Variants in SKIL observed in about 807,000 individuals in gnomAD.
SKIL encodes SKI like proto-oncogene, also known as ski-like protein.
Under a neutral mutation model 69.6 loss-of-function variants are expected in SKIL, and 20 were observed. That is an observed-to-expected ratio of 0.29 (90% CI 0.20 to 0.42). The LOEUF is 0.42. Among genes scored for constraint, SKIL ranks in the 10% least tolerant of loss-of-function variants. The probability of loss-of-function intolerance (pLI) is 1.00; values close to 1 mark genes in which losing one functional copy is unlikely to be tolerated. For missense variants in SKIL, 745 were observed against 783.1 expected (o/e 0.95, Z 0.58); for synonymous variants, 310 against 279.9 (o/e 1.11, Z -1.08).
Position 170,361,441 on chromosome 3 carries a change from A to G in SKIL, c.1098+12A>G, listed in dbSNP as rs758283853. On this transcript the variant is annotated intron_variant, in intron 2 of 6. Coordinates refer to ENST00000259119, the MANE Select transcript of SKIL (RefSeq NM_005414.5). ...GAAATCAATCCAAGGCAAGTTTTTTATATCAATTTTTAATAATGGTAATGG... is the reference window on the plus strand; with the variant it reads ...GAAATCAATCCAAGGCAAGTTTTTTGTATCAATTTTTAATAATGGTAATGG... 7.8e-6 allele frequency: 12 copies of G among 1,532,816 alleles called. No homozygotes were observed. Among genetic ancestry groups the G allele is most frequent in the Admixed American group, 4.4e-5 (2 of 45,540 alleles). The allele number at this position is 1,532,816 out of a possible 1,614,324, so 95.0% of individuals were successfully genotyped here.
chr3:170,392,255 A>G lies in SKIL; in HGVS notation c.1897-4A>G, dbSNP rs372518790. 334 of 1,584,228 alleles carry G rather than the reference A, an allele frequency of 2.1e-4. 1 individual carries two copies. Among genetic ancestry groups the G allele is most frequent in the South Asian group, 2.9e-4 (25 of 85,154 alleles). ...AAATTGATAGCGCCTTTTAAATCAC[A>G]TAGTTGGCAGAACTGAGGCAGAGAT... On this transcript the variant is annotated splice_region_variant and splice_polypyrimidine_tract_variant and intron_variant, in intron 6 of 6. Coordinates refer to ENST00000259119, the MANE Select transcript of SKIL (RefSeq NM_005414.5).
chr3:170,383,342 A>G (rs2108217111), intron 3 of SKIL, among the ~76,000 whole-genome samples: 1 of 152,330 alleles, frequency 6.6e-6, no homozygotes, highest in Admixed American at 6.5e-5. Flanking sequence ...AATGGATGTT[A>G]TTAACAAAGG....
At chr3:170,381,024 G>T (rs1394548986) in intron 2 of SKIL, among the ~76,000 whole-genome samples, 3 of 145,720 alleles carry the variant, frequency 2.1e-5, no homozygotes, top group Non-Finnish European at 3.0e-5. Context: ...TAAAGAGACT[G>T]GGTCTTCCTA....
chr3:170,370,403 C>A (rs1736743908), intron 2 of SKIL, among the ~76,000 whole-genome samples: 1 of 121,828 alleles, frequency 8.2e-6, no homozygotes, highest in Non-Finnish European at 1.6e-5. Context: ...TCTATATATA[C>A]ATATATATGT....
intron 2 of SKIL, among the ~76,000 whole-genome samples, chr3:170,372,989 T>A (rs1023847563): frequency 5.6e-4 from 5 of 8,990 alleles, no homozygotes; most frequent in African/African-American, 8.4e-4. Flanking sequence ...TAATTTTCAA[T>A]TTTTTTTTTT....
intron 4 of SKIL, among the ~76,000 whole-genome samples, chr3:170,386,973 A>G (rs1577442749): frequency 6.6e-6 from 1 of 152,098 alleles, no homozygotes; most frequent in Non-Finnish European, 1.5e-5. Context: ...TACATTCACA[A>G]AGTTGTGCAA....
chr3:170,381,004 T>TTTC (rs1421404555), intron 2 of SKIL, among the ~76,000 whole-genome samples: 77 of 151,118 alleles, frequency 5.1e-4, no homozygotes, highest in Non-Finnish European at 8.6e-4. Flanking sequence ...AATTTTTTTT[T>TTTC]TTTTTTTTTT....
intron 2 of SKIL, among the ~76,000 whole-genome samples, chr3:170,370,885 C>T (rs1736772745): frequency 6.6e-6 from 1 of 151,926 alleles, no homozygotes; most frequent in South Asian, 2.1e-4. Context: ...GTTGAGACCG[C>T]AGTGAGCTGT....
Position 170,392,416 on chromosome 3 carries a change from A to G in SKIL, c.2054A>G (p.Ter685TrpextTer24). The change falls in exon 7 of 7, where the codon TAG becomes TGG. Residue 685 changes from the stop codon to tryptophan (W), a stop_lost. Transcript: ENST00000259119. ...AAATCATCAAAGACTGCTAAAGAAT[A>G]GAAACTGTTAAAGAGATTCATCTGT... Reference protein sequence around the residue: ...ILKSSKTAKE* With the variant: ...ILKSSKTAKEW The G allele has an allele frequency of 3.7e-6, 6 of 1,603,488 alleles. No homozygotes were observed. The highest frequency in any genetic ancestry group is 5.1e-6 in the Non-Finnish European group (6 of 1,173,764).
At chr3:170,367,311 C>G (rs183346019) in intron 2 of SKIL, among the ~76,000 whole-genome samples, 1 of 151,926 alleles carries the variant, frequency 6.6e-6, no homozygotes, top group South Asian at 2.1e-4. Flanking sequence ...GGGGTTTCAC[C>G]GTGTTAGCCA....
chr3:170,379,231 G>A (rs1285890141), intron 2 of SKIL, among the ~76,000 whole-genome samples: 1 of 151,672 alleles, frequency 6.6e-6, no homozygotes, highest in Admixed American at 6.6e-5. Flanking sequence ...ACCCTTCTCG[G>A]CCTCCCAAAA....
At chr3:170,378,945 C>T (rs1737190637) in intron 2 of SKIL, among the ~76,000 whole-genome samples, 4 of 151,870 alleles carry the variant, frequency 2.6e-5, no homozygotes, top group Middle Eastern at 3.4e-3. Flanking sequence ...GGTGCAATCT[C>T]GGCTTACTGC....
intron 3 of SKIL, among the ~76,000 whole-genome samples, chr3:170,382,811 C>T (rs374530487): frequency 4.0e-5 from 6 of 151,458 alleles, no homozygotes; most frequent in African/African-American, 7.3e-5. Flanking sequence ...CTCCGCCTCC[C>T]GGGTTCAAGC....
At chr3:170,378,661 C>T (rs1398361119) in intron 2 of SKIL, among the ~76,000 whole-genome samples, 2 of 147,342 alleles carry the variant, frequency 1.4e-5, no homozygotes, top group Non-Finnish European at 3.0e-5. Flanking sequence ...AAGTGATTCT[C>T]CTGCCTCGGC....
rs779405739 is a variant in SKIL, at chr3:170,393,935, T to A, written c.*1518T>A. Reference sequence around the variant, plus strand: ...GTTATTTTCATATTTTGCTTAATAGTACATATCCAAAAAGAATTTTGTACT... The same window carrying A: ...GTTATTTTCATATTTTGCTTAATAGAACATATCCAAAAAGAATTTTGTACT... On this transcript the variant is annotated 3_prime_UTR_variant, in exon 7 of 7. Transcript: ENST00000259119. 2.6e-5 allele frequency: 4 copies of A among 152,062 alleles called. No individual in the cohort carries two copies. Among genetic ancestry groups the A allele is most frequent in the Non-Finnish European group, 5.9e-5 (4 of 68,006 alleles). 9.4% of individuals were successfully genotyped at this position (152,062 alleles called of 1,614,324 possible). A position where few individuals can be genotyped will look rare whatever the true frequency, so the allele number is the denominator to read the frequency against.
At chr3:170,373,880 AG>A (rs961842859) in intron 2 of SKIL, among the ~76,000 whole-genome samples, 2 of 152,190 alleles carry the variant, frequency 1.3e-5, no homozygotes, top group African/African-American at 4.8e-5. Context: ...CCCTGTCTCA[AG>A]GGAAAAAAAA....
In SKIL at chr3:170,360,491, T is replaced by G; in HGVS notation, c.160T>G (p.Leu54Val). Residue 54 changes from leucine (L) to valine (V), a missense_variant, in exon 2 of 7, where the codon TTG (leucine) becomes GTG (valine). By Grantham distance (32) the Leu-to-Val change is conservative (BLOSUM62 1). Transcript: ENST00000259119. ...NKVPTVKKEHLDDYGEAPVET... is the reference protein window; with the variant it reads ...NKVPTVKKEHVDDYGEAPVET... ...GGTGCCAACAGTTAAGAAGGAACAC[T>G]TGGATGACTATGGAGAAGCACCAGT... 1 of 1,614,108 alleles carries G rather than the reference T, an allele frequency of 6.2e-7. No individual in the cohort carries two copies. The highest frequency in any genetic ancestry group is 8.5e-7 in the Non-Finnish European group (1 of 1,180,020).
intron 2 of SKIL, among the ~76,000 whole-genome samples, chr3:170,364,384 C>T (rs916954909): frequency 3.7e-5 from 5 of 135,630 alleles, no homozygotes; most frequent in Non-Finnish European, 6.1e-5. Context: ...AGTACAATGG[C>T]GCGATCTCAG....
intron 4 of SKIL, among the ~76,000 whole-genome samples, chr3:170,388,858 A>C (rs1346953000): frequency 7.0e-6 from 1 of 143,478 alleles, no homozygotes; most frequent in Admixed American, 7.2e-5. Flanking sequence ...ATATTTATTT[A>C]TGTATTTATT....
Sources: gnomAD v4.1 joint callset for allele counts (sites outside exome capture counted in the v4.1 genomes callset) on GRCh38, gnomAD v4.1.1 for gene constraint, MANE v1.5 for transcripts, NCBI Gene and HGNC (gene_info 2026-07-23, HGNC 2026-07-21) for gene names.